The following C6 variants were observed in gnomAD, a reference collection of about 807,000 sequenced individuals.
C6 encodes the protein complement C6, also known as complement component C6.
C6 carries 101 observed loss-of-function variants against 112.9 expected under a neutral mutation model. The ratio of observed to expected loss-of-function variants is 0.89; its 90% CI spans 0.76 to 1.06. The LOEUF (loss-of-function observed/expected upper bound fraction) is 1.06, where lower values mean the gene tolerates loss of function less well. Ranked by LOEUF, C6 falls within the 50% of genes least tolerant of loss-of-function variation. The pLI is 0.00. For missense variants in C6, 1,202 were observed against 1,104.6 expected (o/e 1.09, Z -1.25); for synonymous variants, 431 against 384.1 (o/e 1.12, Z -1.43).
At chr5:41,151,859 GA>G (rs35572937) in intron 15 of C6, among the ~76,000 whole-genome samples, 36,131 of 142,244 alleles carry the variant, frequency 0.25, 4,515 homozygotes, top group South Asian at 0.34. Flanking sequence ...AGAAGATAAG[GA>G]AAAAAAAAAA....
chr5:41,204,567 T>A (rs1290521542), intron 1 of C6, among the ~76,000 whole-genome samples: 3 of 152,176 alleles, frequency 2.0e-5, no homozygotes, highest in African/African-American at 7.2e-5. Context: ...TTGATAAATC[T>A]TGGTTTAAGT....
At chr5:41,186,477 G>A in intron 5 of C6, 1 of 409,922 alleles carries the variant, frequency 2.4e-6, no homozygotes, top group Non-Finnish European at 4.5e-6. Flanking sequence ...AACAAAATCT[G>A]GATTTATAAT....
At chr5:41,218,332 C>T (rs770514815), upstream of C6, among the ~76,000 whole-genome samples, 18 of 151,930 alleles carry the variant, frequency 1.2e-4, no homozygotes, top group African/African-American at 4.1e-4. Context: ...TTTTTATTCA[C>T]GAATTTTGCA....
At chr5:41,255,540 G>A (rs1741642351) in intron 1 of C6, among the ~76,000 whole-genome samples, 1 of 152,156 alleles carries the variant, frequency 6.6e-6, no homozygotes, top group African/African-American at 2.4e-5. Flanking sequence ...CAGTCATGAA[G>A]CCAAGCCTTG....
intron 15 of C6, among the ~76,000 whole-genome samples, 162 bp from the exon 16 acceptor site, chr5:41,150,187 C>T (rs989386972): frequency 6.6e-6 from 1 of 152,184 alleles, no homozygotes. Context: ...AAATATTCCA[C>T]CTGAAAGGTC....
At chr5:41,171,800 A>G (rs1748444507) in intron 9 of C6, among the ~76,000 whole-genome samples, 1 of 152,098 alleles carries the variant, frequency 6.6e-6, no homozygotes, top group Non-Finnish European at 1.5e-5. Context: ...AATCTGATGT[A>G]TTTCAATCCC....
intron 1 of C6, among the ~76,000 whole-genome samples, chr5:41,220,849 C>T (rs2150403858): frequency 6.6e-6 from 1 of 151,782 alleles, no homozygotes; most frequent in East Asian, 1.9e-4. Context: ...CAGCCTTTTC[C>T]CTACTCCTTC....
At chr5:41,242,752 G>A (rs1470853062) in intron 1 of C6, among the ~76,000 whole-genome samples, 1 of 151,780 alleles carries the variant, frequency 6.6e-6, no homozygotes, top group Non-Finnish European at 1.5e-5. Flanking sequence ...CTCCAGAATG[G>A]TACGTCAACA....
intron 1 of C6, among the ~76,000 whole-genome samples, chr5:41,259,118 T>C (rs921249457): frequency 6.6e-6 from 1 of 152,196 alleles, no homozygotes; most frequent in Non-Finnish European, 1.5e-5. Flanking sequence ...TTTTAAAAGC[T>C]TTAAAAAAGA....
chr5:41,183,180 A>G (rs567888417), intron 6 of C6, among the ~76,000 whole-genome samples: 1 of 152,346 alleles, frequency 6.6e-6, no homozygotes, highest in Admixed American at 6.5e-5. Context: ...ACAGTGGCAA[A>G]TTACAAAGTA....
rs1324095096 is a variant in C6, at chr5:41,243,346, T to C, written c.-21+17848A>G. Among the ~76,000 whole-genome samples, 4 of 152,238 alleles carry C rather than the reference T, an allele frequency of 2.6e-5. 1 individual carries two copies. In the East Asian group the frequency reaches 7.7e-4, roughly 29 times the overall value. ...TTATGTTGACACTCATATCTCATGA[T>C]TTGTGAGCACATTTTCTATTATTTT... On this transcript the variant is annotated intron_variant, in intron 1 of 17. Transcript: ENST00000263413.
intron 6 of C6, among the ~76,000 whole-genome samples, chr5:41,185,272 G>T (rs990735748): frequency 1.3e-5 from 2 of 152,144 alleles, no homozygotes; most frequent in East Asian, 3.8e-4. Flanking sequence ...ATTGGAAAAT[G>T]CCTGTATTTA....
At chr5:41,247,239 G>T (rs1169496872) in intron 1 of C6, among the ~76,000 whole-genome samples, 1 of 152,030 alleles carries the variant, frequency 6.6e-6, no homozygotes. Flanking sequence ...AGGAAAAGAA[G>T]AAGTCAAACT....
intron 1 of C6, 125 bp downstream of exon 1, chr5:41,213,251 G>T: frequency 3.8e-6 from 1 of 262,564 alleles, no homozygotes; most frequent in Non-Finnish European, 5.9e-6. Flanking sequence ...TTATAAAAAA[G>T]AAAGACAAAG....
chr5:41,143,149 C>A, intron 17 of C6, 143 bp from the exon 18 acceptor site: 2 of 715,260 alleles, frequency 2.8e-6, no homozygotes, highest in Non-Finnish European at 4.7e-6. Flanking sequence ...ATGAGAAAGC[C>A]AAAAAATAAA....
chr5:41,197,743 A>G (rs1750719457), intron 4 of C6, among the ~76,000 whole-genome samples: 1 of 152,138 alleles, frequency 6.6e-6, no homozygotes, highest in Non-Finnish European at 1.5e-5. Context: ...GATGTTTAGG[A>G]ATAGGCCTGA....
intron 1 of C6, among the ~76,000 whole-genome samples, chr5:41,255,299 C>T (rs559817333): frequency 3.4e-4 from 52 of 151,156 alleles, no homozygotes; most frequent in Middle Eastern, 3.4e-3. Flanking sequence ...AGGCGGCGGC[C>T]GCAGTGAGCC....
rs371329890 is a variant in C6, at chr5:41,159,224, A to T, written c.1714T>A (p.Ser572Thr). ...GTAGCATCACAGGTACTCCAGGAAG[A>T]CCAACAACCCCACTGTCCGTCTACT... Reference protein sequence around the residue: ...NAVDGQWGCWSSWSTCDATYK... With the variant: ...NAVDGQWGCWTSWSTCDATYK... The change falls in exon 12 of 18, where the codon TCT (serine) becomes ACT (threonine). Residue 572 changes from serine (S) to threonine (T), a missense_variant. Transcript: ENST00000337836. 1 of 1,613,350 alleles carries T rather than the reference A, an allele frequency of 6.2e-7. No individual in the cohort carries two copies. Among genetic ancestry groups the T allele is most frequent in the Non-Finnish European group, 8.5e-7 (1 of 1,179,648 alleles).
At chr5:41,168,657 T>C (rs1748177860) in intron 9 of C6, among the ~76,000 whole-genome samples, 1 of 152,202 alleles carries the variant, frequency 6.6e-6, no homozygotes, top group Non-Finnish European at 1.5e-5. Context: ...CAGTTATTAA[T>C]GTGAAGAAGA....
Sources: allele counts gnomAD v4.1 joint callset (sites outside exome capture counted in the v4.1 genomes callset), GRCh38; gene constraint gnomAD v4.1.1; transcripts MANE v1.5; gene names NCBI Gene and HGNC (gene_info 2026-07-23, HGNC 2026-07-21).